The following CDH18 variants were observed in gnomAD, a reference collection of about 807,000 sequenced individuals.
The protein encoded by CDH18 is cadherin-18.
Under a neutral mutation model 67.9 loss-of-function variants are expected in CDH18, and 31 were observed. The ratio of observed to expected loss-of-function variants is 0.46; its 90% CI spans 0.34 to 0.62. CDH18 has a LOEUF of 0.62. Among genes scored for constraint, CDH18 ranks in the 20% least tolerant of loss-of-function variants. The probability of loss-of-function intolerance (pLI) is 0.01; values close to 1 mark genes in which losing one functional copy is unlikely to be tolerated. For missense variants in CDH18, 890 were observed against 975.5 expected (o/e 0.91, Z 1.17); for synonymous variants, 362 against 347.2 (o/e 1.04, Z -0.48).
rs1307319153 is a variant in CDH18 at position 19,472,932 on chromosome 5, G to GTT, written c.*292_*293dup. On this transcript the variant is annotated 3_prime_UTR_variant, in exon 13 of 13. Coordinates refer to ENST00000382275, the MANE Select transcript of CDH18 (RefSeq NM_004934.5). ...ACAATATATTGAAACAAATATCATTGTTTGGCTTAATTCAGGTATTCTTAA... is the reference window on the plus strand; with the variant it reads ...ACAATATATTGAAACAAATATCATTGTTTTTGGCTTAATTCAGGTATTCTTAA... 1 of 258,254 alleles carries GTT rather than the reference G, an allele frequency of 3.9e-6. No individual in the cohort carries two copies. Among genetic ancestry groups the GTT allele is most frequent in the African/African-American group, 2.2e-5 (1 of 44,814 alleles). 16.0% of individuals were successfully genotyped at this position (258,254 alleles called of 1,614,324 possible). A position where few individuals can be genotyped will look rare whatever the true frequency, so the allele number is the denominator to read the frequency against.
chr5:20,504,911 G>C (rs964398110), intron 1 of CDH18, among the ~76,000 whole-genome samples: 1 of 151,680 alleles, frequency 6.6e-6, no homozygotes, highest in Admixed American at 6.6e-5. Flanking sequence ...GGGACTACAG[G>C]CACCCGCCAC....
intron 1 of CDH18, among the ~76,000 whole-genome samples, chr5:20,342,607 A>G (rs780864620): frequency 6.2e-4 from 94 of 152,164 alleles, no homozygotes; most frequent in Non-Finnish European, 1.3e-3. Context: ...GATAAACAGC[A>G]ATCTGGAGAA....
At chr5:19,892,072 G>T (rs188329498) in intron 2 of CDH18, among the ~76,000 whole-genome samples, 3 of 151,990 alleles carry the variant, frequency 2.0e-5, no homozygotes, top group African/African-American at 4.8e-5. Flanking sequence ...TAGGTGTCAG[G>T]GATGATAAAA....
chr5:20,189,554 C>T (rs533791507), intron 2 of CDH18, among the ~76,000 whole-genome samples: 4 of 152,108 alleles, frequency 2.6e-5, no homozygotes, highest in African/African-American at 7.2e-5. Flanking sequence ...TCTTGAAACA[C>T]CTCTATGAGG....
chr5:19,838,823 C>T lies in CDH18; in HGVS notation c.164G>A (p.Trp55Ter), dbSNP rs1426167067. The T allele has an allele frequency of 6.2e-7, 1 of 1,614,034 alleles. No individual in the cohort carries two copies. The highest frequency in any genetic ancestry group is 8.5e-7 in the Non-Finnish European group (1 of 1,179,950). The part of the protein sequence containing the change: ...TEVHHRPKRG[W>*]VWNQFFVLEE... ...TAAAACAAAGAACTGATTCCATACCCATCCCCTTTTGGGACGATGATGGAC... is the reference window on the plus strand; with the variant it reads ...TAAAACAAAGAACTGATTCCATACCTATCCCCTTTTGGGACGATGATGGAC... The change falls in exon 3 of 13, where the codon TGG (tryptophan) becomes TAG (stop). Residue 55 changes from tryptophan (W) to a stop codon, truncating the protein, a stop_gained. Transcript: ENST00000382275. LOFTEE classifies it high-confidence loss of function.
At chr5:19,749,058 G>C (rs1425803256) in intron 3 of CDH18, among the ~76,000 whole-genome samples, 1 of 152,016 alleles carries the variant, frequency 6.6e-6, no homozygotes, top group Non-Finnish European at 1.5e-5. Context: ...TTGTATGCTT[G>C]TATGAAAATG....
Position 20,336,683 on chromosome 5 carries a change from A to T in CDH18, c.-579-81178T>A, listed in dbSNP as rs183256228. On this transcript the variant is annotated intron_variant, in intron 1 of 14. Coordinates refer to the CDH18 transcript ENST00000507958. The stretch of plus-strand genomic sequence containing the variant: ...GCTTCTCATGAGCCGAGATCACACC[A>T]CTGCACTCCAGCCTGGGCAACAGAG... Among the ~76,000 whole-genome samples the T allele has an allele frequency of 1.5e-4, 20 of 129,832 alleles. 2 individuals carry two copies. In the Admixed American group the frequency reaches 1.8e-3, roughly 12 times the overall value. 85.2% of individuals were successfully genotyped at this position (129,832 alleles called of 152,430 possible). A position where few individuals can be genotyped will look rare whatever the true frequency, so the allele number is the denominator to read the frequency against.
chr5:20,324,868 G>T (rs1380020289), intron 1 of CDH18, among the ~76,000 whole-genome samples: 1 of 152,180 alleles, frequency 6.6e-6, no homozygotes, highest in African/African-American at 2.4e-5. Context: ...CTATGTGTAT[G>T]TGTGTATACA....
chr5:19,737,672 A>G (rs1156345776), intron 4 of CDH18, among the ~76,000 whole-genome samples: 1 of 152,218 alleles, frequency 6.6e-6, no homozygotes, highest in Non-Finnish European at 1.5e-5. Flanking sequence ...ATTAAAAGTG[A>G]GGGGGATTAT....
chr5:19,819,958 C>A (rs1022034282), intron 3 of CDH18, among the ~76,000 whole-genome samples: 2 of 152,130 alleles, frequency 1.3e-5, no homozygotes, highest in African/African-American at 4.8e-5. Flanking sequence ...TTTCCAGTGG[C>A]CTGAGAGCAG....
At chr5:20,131,063 A>C (rs1228658760) in intron 2 of CDH18, among the ~76,000 whole-genome samples, 6 of 152,114 alleles carry the variant, frequency 3.9e-5, no homozygotes, top group Admixed American at 3.3e-4. Context: ...ATATCATTTA[A>C]AAAATTTTTT....
intron 1 of CDH18, among the ~76,000 whole-genome samples, chr5:20,531,956 C>A (rs61637150): frequency 6.6e-6 from 1 of 151,652 alleles, no homozygotes; most frequent in African/African-American, 2.4e-5. Context: ...TATTTTCATC[C>A]AGGTGCAAAT....
At chr5:20,185,525 A>T (rs1220517450) in intron 2 of CDH18, among the ~76,000 whole-genome samples, 1 of 152,024 alleles carries the variant, frequency 6.6e-6, no homozygotes, top group African/African-American at 2.4e-5. Context: ...TTTATCTTAT[A>T]AAGCAAACCC....
rs567121566 is a variant in CDH18, at chr5:19,571,656, G to T, written c.1176C>A (p.Val392=). ...LFSMPSYLME[V]YENAKIGTVV... ...CGGTCCCAATCTTGGCATTTTCGTA[G>T]ACTTCCATGAGGTAGGAAGGCATGG... The change falls in exon 8 of 13, where the codon GTC becomes GTA. Residue 392 remains valine (V), a synonymous_variant. Coordinates refer to ENST00000382275, the MANE Select transcript of CDH18 (RefSeq NM_004934.5). 6.2e-7 allele frequency: 1 copy of T among 1,613,816 alleles called. No individual in the cohort carries two copies. Among genetic ancestry groups the T allele is most frequent in the South Asian group, 1.1e-5 (1 of 91,060 alleles).
intron 2 of CDH18, among the ~76,000 whole-genome samples, chr5:19,857,959 G>A (rs182163828): frequency 3.9e-5 from 6 of 152,188 alleles, no homozygotes; most frequent in African/African-American, 1.4e-4. Context: ...ATATTAAGTG[G>A]TATGATATTT....
At chr5:19,555,387 G>A (rs988420363) in intron 8 of CDH18, among the ~76,000 whole-genome samples, 11 of 152,186 alleles carry the variant, frequency 7.2e-5, no homozygotes, top group Non-Finnish European at 1.3e-4. Context: ...GTTCTTAGCT[G>A]TTACCAGCTT....
intron 10 of CDH18, among the ~76,000 whole-genome samples, chr5:19,518,439 G>C (rs1337408436): frequency 6.6e-6 from 1 of 152,122 alleles, no homozygotes; most frequent in Non-Finnish European, 1.5e-5. Context: ...GTCTGTGAGG[G>C]TGTTACCAAA....
chr5:19,832,418 G>T (rs1341853858), intron 3 of CDH18, among the ~76,000 whole-genome samples: 5 of 151,966 alleles, frequency 3.3e-5, no homozygotes, highest in African/African-American at 1.2e-4. Context: ...CATTTTATGA[G>T]CATTATTTTA....
intron 1 of CDH18, among the ~76,000 whole-genome samples, chr5:20,356,946 T>C (rs1486805692): frequency 1.3e-5 from 2 of 150,774 alleles, no homozygotes; most frequent in African/African-American, 4.9e-5. Flanking sequence ...CACACACATA[T>C]ATATGTAGTA....
Sources: gnomAD v4.1 joint callset for allele counts (sites outside exome capture counted in the v4.1 genomes callset) on GRCh38, gnomAD v4.1.1 for gene constraint, MANE v1.5 for transcripts, NCBI Gene and HGNC (gene_info 2026-07-23, HGNC 2026-07-21) for gene names.